Variants in GPC5 observed in about 807,000 individuals in gnomAD.
The protein encoded by GPC5 is glypican-5.
A neutral mutation model predicts 53.9 loss-of-function variants in GPC5; 47 were observed. The observed-to-expected ratio is 0.87, with a 90% CI of 0.69 to 1.11. The LOEUF (loss-of-function observed/expected upper bound fraction) is 1.11, where lower values mean the gene tolerates loss of function less well. Among genes scored for constraint, GPC5 ranks in the 50% most tolerant of loss-of-function variants. The pLI is 0.00. For missense variants in GPC5, 748 were observed against 713.1 expected, an observed-to-expected ratio of 1.05 and a Z score of -0.56; for synonymous variants, 286 against 263.3, an observed-to-expected ratio of 1.09 and a Z score of -0.84.
intron 5 of GPC5, among the ~76,000 whole-genome samples, chr13:91,882,670 G>GTTTTTTTTTTTT: frequency 2.2e-4 from 13 of 59,328 alleles, no homozygotes; most frequent in Non-Finnish European, 2.4e-4. Flanking sequence ...TGTTTTTTGG[G>GTTTTTTTTTTTT]TTTTTTTTTT....
intron 2 of GPC5, among the ~76,000 whole-genome samples, chr13:91,553,220 C>T (rs1456390136): frequency 3.0e-5 from 3 of 99,434 alleles, no homozygotes; most frequent in Non-Finnish European, 6.1e-5. Flanking sequence ...CTTTCACTCT[C>T]ACAAGGTTGT....
At chr13:92,148,140 A>T (rs1299293357) in intron 7 of GPC5, among the ~76,000 whole-genome samples, 1 of 152,100 alleles carries the variant, frequency 6.6e-6, no homozygotes. Context: ...TTAAAGTTAT[A>T]TATGTGTATA....
intron 7 of GPC5, among the ~76,000 whole-genome samples, chr13:92,494,129 G>C (rs1028015602): frequency 5.0e-4 from 75 of 151,176 alleles, no homozygotes; most frequent in African/African-American, 1.8e-3. Context: ...TCGCTCTGTC[G>C]CCCAGGCTGG....
rs1033104988 is a variant in GPC5 at position 91,434,667 on chromosome 13, G to A, written c.164-14094G>A. Reference sequence around the variant, plus strand: ...TCCAGCTTTTTTCTTTTGGCGATGCGGGCTCTTTTTTGGTTGCATATGAAC... The same window carrying A: ...TCCAGCTTTTTTCTTTTGGCGATGCAGGCTCTTTTTTGGTTGCATATGAAC... On this transcript the variant is annotated intron_variant, in intron 1 of 7. Coordinates refer to ENST00000377067, the MANE Select transcript of GPC5 (RefSeq NM_004466.6). 1.8e-4 allele frequency among the ~76,000 whole-genome samples: 27 copies of A among 151,504 alleles called. No individual in the cohort carries two copies. The East Asian group carries it at 4.5e-3, about 25-fold the overall frequency.
chr13:92,727,890 T>A (rs962000419), intron 7 of GPC5, among the ~76,000 whole-genome samples: 1 of 151,376 alleles, frequency 6.6e-6, no homozygotes, highest in African/African-American at 2.4e-5. Context: ...TAACAGTCAG[T>A]TTACTATCTC....
rs375214039 is a variant in GPC5 at position 92,258,679 on chromosome 13, A to C, written c.1561+113690A>C. 2.2e-4 allele frequency among the ~76,000 whole-genome samples: 33 copies of C among 152,330 alleles called. No individual in the cohort carries two copies. The South Asian group carries it at 6.6e-3, about 31-fold the overall frequency. ...CGTTAATGGTAATTGGTAAAGCCTC[A>C]AACAGTCTTCATCCTAAATACACAT... On this transcript the variant is annotated intron_variant, in intron 7 of 7. Transcript: ENST00000377067.
At chr13:92,195,207 A>G (rs771478826) in intron 7 of GPC5, among the ~76,000 whole-genome samples, 16 of 152,204 alleles carry the variant, frequency 1.1e-4, no homozygotes, top group Non-Finnish European at 2.1e-4. Flanking sequence ...TAATCTAGAG[A>G]CAGCCAAAAA....
At chr13:91,998,147 C>T (rs2040521005) in intron 6 of GPC5, among the ~76,000 whole-genome samples, 1 of 152,174 alleles carries the variant, frequency 6.6e-6, no homozygotes, top group African/African-American at 2.4e-5. Context: ...TGTTGCTCTT[C>T]AGGACAAATG....
chr13:92,191,086 T>C (rs1404634647), intron 7 of GPC5, among the ~76,000 whole-genome samples: 1 of 151,868 alleles, frequency 6.6e-6, no homozygotes, highest in Non-Finnish European at 1.5e-5. Context: ...TCAGACAGAG[T>C]GAGCTTCAGA....
chr13:92,535,454 G>T (rs1881693965), intron 7 of GPC5, among the ~76,000 whole-genome samples: 1 of 151,934 alleles, frequency 6.6e-6, no homozygotes, highest in Admixed American at 6.6e-5. Context: ...TAAAACTAGT[G>T]GTTTATATAG....
intron 5 of GPC5, among the ~76,000 whole-genome samples, chr13:91,850,822 T>C (rs760263893): frequency 6.6e-6 from 1 of 152,206 alleles, no homozygotes. Flanking sequence ...AGAAAAAGGT[T>C]GTTTTGTGTT....
Position 92,751,303 on chromosome 13 carries a change from T to TAAAAAAA in GPC5, c.1562-114953_1562-114947dup, listed in dbSNP as rs71123435. Among the ~76,000 whole-genome samples the TAAAAAAA allele has an allele frequency of 1.0e-3, 40 of 38,776 alleles. 2 individuals carry two copies. Among genetic ancestry groups the TAAAAAAA allele is most frequent in the African/African-American group, 1.3e-3 (15 of 11,868 alleles). 25.4% of individuals were successfully genotyped at this position (38,776 alleles called of 152,430 possible). A position where few individuals can be genotyped will look rare whatever the true frequency, so the allele number is the denominator to read the frequency against. On this transcript the variant is annotated intron_variant, in intron 7 of 7. Transcript: ENST00000377067. The stretch of plus-strand genomic sequence containing the variant: ...AAACCTTTGGTCATCCAGAAACATT[T>TAAAAAAA]AAAAAAAAAAAAAAAAAAAAAAAAA...
At chr13:91,563,594 A>G (rs1379877693) in intron 2 of GPC5, among the ~76,000 whole-genome samples, 3 of 152,208 alleles carry the variant, frequency 2.0e-5, no homozygotes, top group Non-Finnish European at 4.4e-5. Flanking sequence ...CTTAATTGCT[A>G]TTCATTTCTT....
chr13:91,497,997 C>G (rs758600758), intron 2 of GPC5, among the ~76,000 whole-genome samples: 3 of 152,042 alleles, frequency 2.0e-5, no homozygotes, highest in African/African-American at 2.4e-5. Context: ...AAGATTTATT[C>G]CCCTGTCTAA....
In GPC5 at chr13:91,459,245, T is replaced by C. The variant is rs548516339; in HGVS notation, c.325+10323T>C. Among the ~76,000 whole-genome samples the C allele has an allele frequency of 7.9e-4, 120 of 151,838 alleles. 1 individual carries two copies. The highest frequency in any genetic ancestry group is 2.7e-3 in the African/African-American group (111 of 41,414). On this transcript the variant is annotated intron_variant, in intron 2 of 7. Transcript: ENST00000377067. ...AAGAAAAGAAGGTTGGAGTGAGCCA[T>C]GATTGCACCACTATACTCCAGCTTG... is the stretch of plus-strand genomic sequence containing the variant.
chr13:92,336,439 T>C (rs2043323581), intron 7 of GPC5, among the ~76,000 whole-genome samples: 1 of 152,154 alleles, frequency 6.6e-6, no homozygotes, highest in Non-Finnish European at 1.5e-5. Context: ...TTTGTACATA[T>C]GAACAAAAAC....
At chr13:92,245,731 ATTTT>A (rs1690789365) in intron 7 of GPC5, among the ~76,000 whole-genome samples, 2 of 152,110 alleles carry the variant, frequency 1.3e-5, no homozygotes, top group Non-Finnish European at 2.9e-5. Context: ...TTTACTATTT[ATTTT>A]CTCTTAAAAT....
chr13:92,441,554 G>T (rs7318782), intron 7 of GPC5, among the ~76,000 whole-genome samples: 2,335 of 152,170 alleles, frequency 0.015, 69 homozygotes, highest in African/African-American at 0.054. Flanking sequence ...TTGAACCTGA[G>T]GGCCAAATCA....
intron 7 of GPC5, among the ~76,000 whole-genome samples, chr13:92,463,133 A>G (rs1301079011): frequency 3.9e-5 from 6 of 152,168 alleles, no homozygotes; most frequent in Non-Finnish European, 7.3e-5. Context: ...CTCACAGATG[A>G]GCCCGATTTA....
Sources: allele counts gnomAD v4.1 joint callset (sites outside exome capture counted in the v4.1 genomes callset), GRCh38; gene constraint gnomAD v4.1.1; transcripts MANE v1.5; gene names NCBI Gene and HGNC (gene_info 2026-07-23, HGNC 2026-07-21).